SH3RF1: variants seen among roughly 807,000 people sequenced by gnomAD.
SH3RF1 encodes SH3 domain containing ring finger 1, also known as E3 ubiquitin-protein ligase SH3RF1.
In SH3RF1, 32 loss-of-function variants were observed where a neutral mutation model predicts 74.0. The observed-to-expected ratio is 0.43, with a 90% CI of 0.33 to 0.58. The LOEUF (loss-of-function observed/expected upper bound fraction) is 0.58. Ranked by LOEUF, SH3RF1 falls within the 20% of genes least tolerant of loss-of-function variation. The pLI, the probability that SH3RF1 is intolerant of heterozygous loss-of-function variation, is 0.05. For missense variants in SH3RF1, 954 were observed against 1,130.9 expected (o/e 0.84, Z 2.24); for synonymous variants, 396 against 439.6 (o/e 0.90, Z 1.24).
chr4:169,133,127 A>G (rs1299957672), intron 5 of SH3RF1, among the ~76,000 whole-genome samples: 1 of 152,190 alleles, frequency 6.6e-6, no homozygotes, highest in Non-Finnish European at 1.5e-5. Context: ...GGACCCACTT[A>G]TATGGTGTAG....
chr4:169,260,484 A>G (rs1731259790), intron 2 of SH3RF1, among the ~76,000 whole-genome samples: 1 of 152,212 alleles, frequency 6.6e-6, no homozygotes, highest in African/African-American at 2.4e-5. Flanking sequence ...CAGGTTCTAT[A>G]GCAGCTGATG....
chr4:169,173,719 T>C (rs1161862136), intron 2 of SH3RF1, among the ~76,000 whole-genome samples: 1 of 152,174 alleles, frequency 6.6e-6, no homozygotes, highest in African/African-American at 2.4e-5. Context: ...TTGTGAAATA[T>C]GTGGAAACCA....
rs559782046 is a variant in SH3RF1 at position 169,231,770 on chromosome 4, A to G, written c.393+37050T>C. On this transcript the variant is annotated intron_variant, in intron 2 of 11. Transcript: ENST00000284637. Reference sequence around the variant, plus strand: ...AACGCCTCTTTCTACTTCTGTGTGAACCATCTGTTTTCAATTACTGACTCA... The same window carrying G: ...AACGCCTCTTTCTACTTCTGTGTGAGCCATCTGTTTTCAATTACTGACTCA... 1.1e-4 allele frequency among the ~76,000 whole-genome samples: 17 copies of G among 152,240 alleles called. No individual in the cohort carries two copies. In the East Asian group the frequency reaches 3.3e-3, roughly 29 times the overall value.
intron 2 of SH3RF1, among the ~76,000 whole-genome samples, chr4:169,215,391 C>T (rs1730445494): frequency 6.6e-6 from 1 of 152,162 alleles, no homozygotes; most frequent in South Asian, 2.1e-4. Context: ...ATGTTCATGA[C>T]AGATATTGCA....
intron 2 of SH3RF1, among the ~76,000 whole-genome samples, chr4:169,163,512 A>G (rs1325687243): frequency 1.3e-5 from 2 of 152,176 alleles, no homozygotes; most frequent in African/African-American, 4.8e-5. Context: ...GAGATACAGG[A>G]AACTAGAGAG....
intron 2 of SH3RF1, among the ~76,000 whole-genome samples, chr4:169,235,512 G>C (rs1050247866): frequency 6.6e-6 from 1 of 152,046 alleles, no homozygotes. Context: ...TAAGTAACTT[G>C]CCCAGGGTCA....
At chr4:169,130,238 T>A in intron 5 of SH3RF1, 82 bp from the exon 6 acceptor site, 1 of 999,112 alleles carries the variant, frequency 1.0e-6, no homozygotes, top group Non-Finnish European at 1.4e-6. Context: ...GAAAGGCAAG[T>A]CACATTAAAA....
At position 169,116,451 on chromosome 4, in the gene SH3RF1, T is replaced by C. The variant is rs147921585; in HGVS notation, c.1957A>G (p.Ser653Gly). 4.3e-6 allele frequency: 7 copies of C among 1,614,086 alleles called. No homozygotes were observed. Among genetic ancestry groups the C allele is most frequent in the Middle Eastern group, 1.6e-4 (1 of 6,062 alleles). The stretch of plus-strand genomic sequence containing the variant: ...GCTGCTGCACAGGCCAGAGGGGCAC[T>C]GGCTCGACTGATACTGATGGCAGCA... ...HTAAISISRA[S>G]APLACAAAAP... is the part of the protein sequence containing the mutation. Residue 653 changes from serine (S) to glycine (G), a missense_variant, in exon 10 of 12, where the codon AGT (serine) becomes GGT (glycine). By Grantham distance (56) the Ser-to-Gly change is moderately conservative (BLOSUM62 0). Coordinates refer to ENST00000284637, the MANE Select transcript of SH3RF1 (RefSeq NM_020870.4).
intron 2 of SH3RF1, among the ~76,000 whole-genome samples, chr4:169,161,878 T>G (rs915560116): frequency 4.6e-5 from 7 of 152,136 alleles, no homozygotes; most frequent in Non-Finnish European, 8.8e-5. Context: ...GAAGAAACAA[T>G]TTTTTAAAAA....
chr4:169,263,691 C>G (rs1561068168), intron 2 of SH3RF1, among the ~76,000 whole-genome samples: 1 of 152,218 alleles, frequency 6.6e-6, no homozygotes, highest in Non-Finnish European at 1.5e-5. Flanking sequence ...GTTTGTCCAT[C>G]ATTACCTATC....
At chr4:169,234,664 C>T (rs1730798255) in intron 2 of SH3RF1, among the ~76,000 whole-genome samples, 1 of 152,166 alleles carries the variant, frequency 6.6e-6, no homozygotes, top group South Asian at 2.1e-4. Flanking sequence ...TTGGAAACAC[C>T]CTCATACCAT....
At chr4:169,197,481 C>T (rs575510769) in intron 2 of SH3RF1, among the ~76,000 whole-genome samples, 16 of 151,952 alleles carry the variant, frequency 1.1e-4, no homozygotes, top group African/African-American at 2.9e-4. Context: ...CAAAAATTAG[C>T]CAGTCGTGGT....
intron 2 of SH3RF1, among the ~76,000 whole-genome samples, chr4:169,246,314 G>T (rs952270152): frequency 6.6e-6 from 1 of 152,206 alleles, no homozygotes; most frequent in Non-Finnish European, 1.5e-5. Flanking sequence ...AAAAGGGGGA[G>T]TTAACTAGAG....
intron 2 of SH3RF1, among the ~76,000 whole-genome samples, chr4:169,233,096 A>G (rs13132763): frequency 0.48 from 73,407 of 151,728 alleles, 18,811 homozygotes; most frequent in East Asian, 0.78. Flanking sequence ...TAAAAATACA[A>G]AAATCAGCCA....
chr4:169,218,118 T>C lies in SH3RF1; in HGVS notation c.393+50702A>G, dbSNP rs1209920315. On this transcript the variant is annotated intron_variant, in intron 2 of 11. Transcript: ENST00000284637. The stretch of plus-strand genomic sequence containing the variant: ...CATTTTTATCTTAAATGTATATGTA[T>C]GCAAGTGTGTAATATATATTATTAT... Among the ~76,000 whole-genome samples the C allele has an allele frequency of 2.0e-4, 30 of 149,130 alleles. 1 individual carries two copies. The Admixed American group carries it at 2.0e-3, about 10-fold the overall frequency.
chr4:169,226,924 T>C (rs761284255), intron 2 of SH3RF1, among the ~76,000 whole-genome samples: 4 of 152,162 alleles, frequency 2.6e-5, no homozygotes, highest in Non-Finnish European at 5.9e-5. Context: ...CCCAGCACTT[T>C]GGTAGGCTGA....
intron 2 of SH3RF1, among the ~76,000 whole-genome samples, chr4:169,221,643 T>A (rs1379641395): frequency 6.6e-6 from 1 of 152,212 alleles, no homozygotes; most frequent in East Asian, 1.9e-4. Flanking sequence ...ATGCTCCTTA[T>A]AACATACCTT....
chr4:169,235,986 A>C (rs1020058495), intron 2 of SH3RF1, among the ~76,000 whole-genome samples: 12 of 152,146 alleles, frequency 7.9e-5, no homozygotes, highest in African/African-American at 2.4e-4. Flanking sequence ...TGGCCTACTT[A>C]ATTTCTTTCA....
intron 2 of SH3RF1, among the ~76,000 whole-genome samples, chr4:169,198,059 A>G (rs1255046433): frequency 6.6e-6 from 1 of 152,234 alleles, no homozygotes; most frequent in Non-Finnish European, 1.5e-5. Context: ...GCTTTAAGAA[A>G]AATCAATTGG....
Sources: allele counts gnomAD v4.1 joint callset (sites outside exome capture counted in the v4.1 genomes callset), GRCh38; gene constraint gnomAD v4.1.1; transcripts MANE v1.5; gene names NCBI Gene and HGNC (gene_info 2026-07-23, HGNC 2026-07-21).